RIMS2: variants seen among roughly 807,000 people sequenced by gnomAD.
RIMS2 encodes regulating synaptic membrane exocytosis protein 2.
Under a neutral mutation model 174.4 loss-of-function variants are expected in RIMS2, and 59 were observed. The observed-to-expected ratio is 0.34, with a 90% CI of 0.27 to 0.42. RIMS2 has a LOEUF of 0.42. Among genes scored for constraint, RIMS2 ranks in the 10% least tolerant of loss-of-function variants. RIMS2 has a pLI of 1.00. For missense variants in RIMS2, 1,620 were observed against 1,666.3 expected, an observed-to-expected ratio of 0.97 and a Z score of 0.48; for synonymous variants, 606 against 572.5, an observed-to-expected ratio of 1.06 and a Z score of -0.84.
At chr8:103,870,564 A>C (rs980279679) in intron 3 of RIMS2, among the ~76,000 whole-genome samples, 2 of 152,132 alleles carry the variant, frequency 1.3e-5, no homozygotes, top group African/African-American at 4.8e-5. Flanking sequence ...AGTGTTGTTT[A>C]TTAAATATAT....
intron 19 of RIMS2, among the ~76,000 whole-genome samples, chr8:104,056,173 G>A (rs1369500464): frequency 1.3e-5 from 2 of 152,242 alleles, no homozygotes; most frequent in East Asian, 3.9e-4. Flanking sequence ...GGGAGGCCAA[G>A]GCGGGCAGAT....
At chr8:103,952,283 GTGGGTCCCTGACCCCCA>G (rs2085648525) in intron 14 of RIMS2, among the ~76,000 whole-genome samples, 1 of 152,196 alleles carries the variant, frequency 6.6e-6, no homozygotes, top group African/African-American at 2.4e-5. Flanking sequence ...GCCTCCTCAA[GTGGGTCCCTGACCCCCA>G]TGTATCCTGA....
At chr8:103,544,183 G>T (rs1843839027) in intron 1 of RIMS2, among the ~76,000 whole-genome samples, 2 of 152,140 alleles carry the variant, frequency 1.3e-5, no homozygotes, top group South Asian at 4.1e-4. Context: ...CCGCTTTTCT[G>T]TTCAGCAGTT....
intron 2 of RIMS2, among the ~76,000 whole-genome samples, chr8:103,739,100 T>C (rs1431176535): frequency 1.3e-5 from 2 of 152,174 alleles, no homozygotes; most frequent in African/African-American, 2.4e-5. Flanking sequence ...TGTGGCACTA[T>C]TCACAATAGC....
At chr8:104,143,209 A>T (rs942716044) in intron 19 of RIMS2, among the ~76,000 whole-genome samples, 5 of 152,222 alleles carry the variant, frequency 3.3e-5, no homozygotes, top group African/African-American at 1.2e-4. Flanking sequence ...TGAATAAATG[A>T]TTACTACTTT....
chr8:103,688,362 G>T lies in RIMS2; in HGVS notation c.177-8724G>T, dbSNP rs149969211. ...ATCTATTAAAATGATCATACAGTTT[G>T]TGTACTTTGTTCTGTTAACGTGGTG... On this transcript the variant is annotated intron_variant, in intron 1 of 23. Transcript: ENST00000504942. 6.1e-4 allele frequency among the ~76,000 whole-genome samples: 93 copies of T among 152,054 alleles called. 2 individuals carry two copies. In the East Asian group the frequency reaches 0.016, roughly 26 times the overall value.
chr8:104,026,860 A>G (rs2096268270), intron 19 of RIMS2, among the ~76,000 whole-genome samples: 1 of 152,010 alleles, frequency 6.6e-6, no homozygotes, highest in Admixed American at 6.6e-5. Context: ...GGGCAGGGAG[A>G]ATGTTAGCAC....
At chr8:103,528,678 GT>G (rs1554601270) in intron 1 of RIMS2, among the ~76,000 whole-genome samples, 2 of 152,108 alleles carry the variant, frequency 1.3e-5, no homozygotes, top group Non-Finnish European at 2.9e-5. Flanking sequence ...TTTTTGTCAG[GT>G]TTGTCAAAGA....
At chr8:104,233,250 C>T (rs540896210) in intron 19 of RIMS2, among the ~76,000 whole-genome samples, 20 of 152,148 alleles carry the variant, frequency 1.3e-4, no homozygotes, top group South Asian at 4.2e-4. Flanking sequence ...AAATCTTATC[C>T]GGCTGGTCGA....
At chr8:104,135,422 G>A (rs1403856201) in intron 19 of RIMS2, among the ~76,000 whole-genome samples, 1 of 151,914 alleles carries the variant, frequency 6.6e-6, no homozygotes, top group Non-Finnish European at 1.5e-5. Flanking sequence ...AACTTGGCCA[G>A]ACTTGATCTC....
At chr8:104,252,606 G>T (rs948395856), downstream of RIMS2, 34 of 151,684 alleles carry the variant, frequency 2.2e-4, no homozygotes, top group African/African-American at 5.6e-4. Context: ...CTAGTGCATG[G>T]TTTTAAAAAG....
At chr8:103,758,734 T>C (rs2098065801) in intron 2 of RIMS2, among the ~76,000 whole-genome samples, 1 of 152,192 alleles carries the variant, frequency 6.6e-6, no homozygotes, top group African/African-American at 2.4e-5. Context: ...AGTCTTTCTA[T>C]TGAAAGACAT....
intron 3 of RIMS2, among the ~76,000 whole-genome samples, chr8:103,782,882 T>A (rs2098404964): frequency 6.6e-6 from 1 of 152,282 alleles, no homozygotes; most frequent in African/African-American, 2.4e-5. Context: ...TTATAGAAAA[T>A]AACTCTTTGT....
At chr8:103,728,748 C>CTTTTT (rs71575982) in intron 2 of RIMS2, among the ~76,000 whole-genome samples, 25 of 92,652 alleles carry the variant, frequency 2.7e-4, no homozygotes, top group Non-Finnish European at 4.2e-4. Context: ...TATGCTCCTT[C>CTTTTT]TTTTTTTTTT....
intron 19 of RIMS2, among the ~76,000 whole-genome samples, chr8:104,117,824 T>C (rs186893505): frequency 3.9e-4 from 59 of 152,366 alleles, no homozygotes; most frequent in Non-Finnish European, 7.2e-4. Flanking sequence ...TGACATGATA[T>C]CTACATAGCC....
chr8:103,606,694 G>T (rs2095106831), intron 1 of RIMS2, among the ~76,000 whole-genome samples: 1 of 152,062 alleles, frequency 6.6e-6, no homozygotes, highest in South Asian at 2.1e-4. Flanking sequence ...CCTATATTGG[G>T]TGCATATATA....
chr8:103,788,269 C>T (rs1285129817), intron 3 of RIMS2, among the ~76,000 whole-genome samples: 2 of 150,992 alleles, frequency 1.3e-5, no homozygotes, highest in Non-Finnish European at 3.0e-5. Context: ...CTTCTCTCAG[C>T]TCGTCAAAGT....
intron 13 of RIMS2, among the ~76,000 whole-genome samples, chr8:103,938,212 G>T (rs549868925): frequency 6.6e-6 from 1 of 152,114 alleles, no homozygotes; most frequent in South Asian, 2.1e-4. Context: ...TTTCAGTGTG[G>T]TTGGTATATT....
At chr8:104,207,467 A>G (rs2099085733) in intron 19 of RIMS2, among the ~76,000 whole-genome samples, 1 of 152,186 alleles carries the variant, frequency 6.6e-6, no homozygotes, top group Non-Finnish European at 1.5e-5. Context: ...AGGGAACATA[A>G]TATTCCCTAG....
Sources: allele counts gnomAD v4.1 joint callset (sites outside exome capture counted in the v4.1 genomes callset), GRCh38; gene constraint gnomAD v4.1.1; transcripts MANE v1.5; gene names NCBI Gene and HGNC (gene_info 2026-07-23, HGNC 2026-07-21).